UBE2E1: variants seen among roughly 807,000 people sequenced by gnomAD.
UBE2E1 encodes ubiquitin conjugating enzyme E2 E1.
UBE2E1 carries 6 observed loss-of-function variants against 21.4 expected under a neutral mutation model. The observed-to-expected ratio is 0.28, with a 90% CI of 0.15 to 0.55. The LOEUF is 0.55. UBE2E1 is among the 20% of genes least tolerant of loss of function. The probability of loss-of-function intolerance (pLI) is 0.93; values close to 1 mark genes in which losing one functional copy is unlikely to be tolerated. For missense variants in UBE2E1, 142 were observed against 236.5 expected (o/e 0.60, Z 2.62); for synonymous variants, 87 against 82.7 (o/e 1.05, Z -0.28).
chr3:23,854,110 TAAC>T (rs1180553909), intron 3 of UBE2E1, among the ~76,000 whole-genome samples: 1 of 152,004 alleles, frequency 6.6e-6, no homozygotes, highest in Non-Finnish European at 1.5e-5. Flanking sequence ...ATAGAAAAAT[TAAC>T]CGATTGTGGT....
Position 23,842,379 on chromosome 3 carries a change from G to C in UBE2E1, c.203+30869G>C, listed in dbSNP as rs565287390. 2.0e-5 allele frequency among the ~76,000 whole-genome samples: 3 copies of C among 152,186 alleles called. No individual in the cohort carries two copies. In the South Asian group the frequency reaches 6.2e-4, roughly 32 times the overall value. ...CTCCCACCTCGCCTCCTGAGTAGCT[G>C]GGATGACAGGCACATGCCACGATTC... On this transcript the variant is annotated intron_variant, in intron 3 of 5. Transcript: ENST00000306627. This position sits in a 1 kb window ranked among gnomAD's most constrained non-coding sequence, Gnocchi z 4.6.
chr3:23,872,731 A>C (rs1700829984), intron 3 of UBE2E1, among the ~76,000 whole-genome samples: 1 of 152,258 alleles, frequency 6.6e-6, no homozygotes, highest in Non-Finnish European at 1.5e-5. Context: ...AAAATTAAAC[A>C]GCCTAGGCTG....
chr3:23,833,012 C>A (rs560281381), intron 3 of UBE2E1, among the ~76,000 whole-genome samples: 1 of 151,884 alleles, frequency 6.6e-6, no homozygotes, highest in African/African-American at 2.4e-5. Context: ...CCAGCCTGGG[C>A]GACAAAGTGA....
Position 23,863,567 on chromosome 3 carries a change from G to T in UBE2E1, c.204-24000G>T, listed in dbSNP as rs968175057. Among the ~76,000 whole-genome samples the T allele has an allele frequency of 6.6e-6, 1 of 152,144 alleles. No homozygotes were observed. The highest frequency in any genetic ancestry group is 2.4e-5 in the African/African-American group (1 of 41,426). ...TTTTTTGAGACGGAGTTTCGCTCTT[G>T]TTGCGCAGGCTGGAGTGCAGTGGCG... On this transcript the variant is annotated intron_variant, in intron 3 of 5. Coordinates refer to ENST00000306627, the MANE Select transcript of UBE2E1 (RefSeq NM_003341.5). The surrounding 1 kb of genome is among the most constrained non-coding windows in gnomAD (Gnocchi z 4.3).
chr3:23,885,479 C>T (rs1327196366), intron 3 of UBE2E1, among the ~76,000 whole-genome samples: 2 of 152,292 alleles, frequency 1.3e-5, no homozygotes, highest in African/African-American at 2.4e-5. Context: ...TACATTCCAC[C>T]TTGTGAAAAT....
At chr3:23,874,651 T>C (rs1214024409) in intron 3 of UBE2E1, among the ~76,000 whole-genome samples, 2 of 152,180 alleles carry the variant, frequency 1.3e-5, no homozygotes, top group Admixed American at 1.3e-4. Context: ...TCGTTTTTTC[T>C]AACTTCTTGG....
chr3:23,860,872 C>G (rs535633315), intron 3 of UBE2E1, among the ~76,000 whole-genome samples: 1 of 152,228 alleles, frequency 6.6e-6, no homozygotes, highest in Non-Finnish European at 1.5e-5. Flanking sequence ...GGTGAACATT[C>G]TTTGAACTAA....
chr3:23,853,315 G>A lies in UBE2E1; in HGVS notation c.204-34252G>A, dbSNP rs1700366195. On this transcript the variant is annotated intron_variant, in intron 3 of 5. Transcript: ENST00000306627. The surrounding 1 kb of genome is among the most constrained non-coding windows in gnomAD (Gnocchi z 4.1). ...AAAATGAAAAATAAAATAAGTAGTA[G>A]TGAGGGTGGACATGTTTGTCTTGTT... Among the ~76,000 whole-genome samples, 3 of 152,220 alleles carry A rather than the reference G, an allele frequency of 2.0e-5. No homozygotes were observed. The South Asian group carries it at 6.2e-4, about 31-fold the overall frequency.
At chr3:23,833,389 C>G (rs948312898) in intron 3 of UBE2E1, among the ~76,000 whole-genome samples, 1 of 152,118 alleles carries the variant, frequency 6.6e-6, no homozygotes, top group African/African-American at 2.4e-5. Flanking sequence ...TTCCTAGGCA[C>G]CTTTGGAAGG....
At chr3:23,872,387 A>AG (rs1329020973) in intron 3 of UBE2E1, among the ~76,000 whole-genome samples, 3 of 148,290 alleles carry the variant, frequency 2.0e-5, no homozygotes, top group Non-Finnish European at 4.4e-5. Flanking sequence ...GGAGGGGGAG[A>AG]GGGAGAGGGA....
chr3:23,886,958 TG>T (rs1458398991), intron 3 of UBE2E1, among the ~76,000 whole-genome samples: 1 of 152,220 alleles, frequency 6.6e-6, no homozygotes, highest in Non-Finnish European at 1.5e-5. Flanking sequence ...GTTGGAGGAA[TG>T]TCTCAAGTAT....
intron 3 of UBE2E1, chr3:23,879,311 C>A: frequency 1.2e-6 from 1 of 825,472 alleles, no homozygotes; most frequent in South Asian, 1.3e-5. Flanking sequence ...TAGAATTTGC[C>A]AAGATTACCT....
At chr3:23,820,764 A>G (rs1212953006) in intron 3 of UBE2E1, among the ~76,000 whole-genome samples, 1 of 152,230 alleles carries the variant, frequency 6.6e-6, no homozygotes, top group Non-Finnish European at 1.5e-5. Context: ...ACAACGGAGT[A>G]GTCTTAGTAG....
rs902849625 is a variant in UBE2E1 at position 23,842,645 on chromosome 3, G to C, written c.203+31135G>C. Among the ~76,000 whole-genome samples the C allele has an allele frequency of 2.0e-5, 3 of 152,112 alleles. No individual in the cohort carries two copies. Among genetic ancestry groups the C allele is most frequent in the Non-Finnish European group, 4.4e-5 (3 of 68,034 alleles). On this transcript the variant is annotated intron_variant, in intron 3 of 5. Transcript: ENST00000306627. The surrounding 1 kb of genome is among the most constrained non-coding windows in gnomAD (Gnocchi z 4.6). ...AGTCTCATACCTCTGTGTCAACACTGAACAGCATTTTTTGTGACGTAAAAT... is the reference window on the plus strand; with the variant it reads ...AGTCTCATACCTCTGTGTCAACACTCAACAGCATTTTTTGTGACGTAAAAT...
intron 3 of UBE2E1, among the ~76,000 whole-genome samples, chr3:23,834,692 G>A (rs1699941553): frequency 6.6e-6 from 1 of 152,040 alleles, no homozygotes; most frequent in African/African-American, 2.4e-5. Flanking sequence ...TTGCATCACT[G>A]CACTCCTTCC....
At chr3:23,874,377 C>T (rs1700871287) in intron 3 of UBE2E1, among the ~76,000 whole-genome samples, 1 of 152,178 alleles carries the variant, frequency 6.6e-6, no homozygotes, top group Non-Finnish European at 1.5e-5. Flanking sequence ...CTGCTTTTCC[C>T]CCAGCTGACT....
chr3:23,867,516 A>T (rs1235192580), intron 3 of UBE2E1, among the ~76,000 whole-genome samples: 1 of 152,216 alleles, frequency 6.6e-6, no homozygotes, highest in East Asian at 1.9e-4. Context: ...AAATTGACAA[A>T]TAATTATCTT....
chr3:23,851,609 G>C (rs1226188784), intron 3 of UBE2E1, among the ~76,000 whole-genome samples: 5 of 151,804 alleles, frequency 3.3e-5, no homozygotes, highest in Non-Finnish European at 7.4e-5. Flanking sequence ...TTTGAGATGA[G>C]CCTGATTAAC....
intron 3 of UBE2E1, among the ~76,000 whole-genome samples, chr3:23,868,023 T>A (rs989731782): frequency 6.6e-6 from 1 of 152,228 alleles, no homozygotes; most frequent in African/African-American, 2.4e-5. Flanking sequence ...CTAGATATTT[T>A]TTACCCAAAG....
Sources: allele counts gnomAD v4.1 joint callset (sites outside exome capture counted in the v4.1 genomes callset), GRCh38; gene constraint gnomAD v4.1.1; non-coding constraint Gnocchi (gnomAD v3.1); transcripts MANE v1.5; gene names NCBI Gene and HGNC (gene_info 2026-07-23, HGNC 2026-07-21).